DGKB: variants seen among roughly 807,000 people sequenced by gnomAD.
The protein encoded by DGKB is diacylglycerol kinase beta, also known as 90 kDa diacylglycerol kinase.
In DGKB, 67 loss-of-function variants were observed where a neutral mutation model predicts 114.3. The ratio of observed to expected loss-of-function variants is 0.59; its 90% confidence interval spans 0.48 to 0.72. DGKB has a LOEUF of 0.72. Ranked by LOEUF, DGKB falls within the 30% of genes least tolerant of loss-of-function variation. The pLI is 0.00. For synonymous variants in DGKB, 398 were observed against 323.1 expected (o/e 1.23, Z -2.49); for missense variants, 907 against 975.2 (o/e 0.93, Z 0.93).
rs904513246 is a variant in DGKB, at chr7:14,359,971, C to T, written c.1836-14580G>A. Reference sequence around the variant, plus strand: ...CAGCGATCCCATTACTAGATATATACCCAAAGGATTATAAATCATGCTACG... The same window carrying T: ...CAGCGATCCCATTACTAGATATATATCCAAAGGATTATAAATCATGCTACG... On this transcript the variant is annotated intron_variant, in intron 21 of 25. Coordinates refer to ENST00000402815, the MANE Select transcript of DGKB (RefSeq NM_001350709.2). 2.6e-5 allele frequency among the ~76,000 whole-genome samples: 4 copies of T among 152,146 alleles called. No individual in the cohort carries two copies. In the East Asian group the frequency reaches 5.8e-4, roughly 22 times the overall value.
At chr7:14,272,928 G>C (rs908052118) in intron 23 of DGKB, among the ~76,000 whole-genome samples, 6 of 152,130 alleles carry the variant, frequency 3.9e-5, no homozygotes, top group Non-Finnish European at 8.8e-5. Flanking sequence ...ATCTATTTGG[G>C]GGAATACATG....
intron 1 of DGKB, among the ~76,000 whole-genome samples, chr7:14,844,916 G>A (rs1471323647): frequency 2.0e-5 from 3 of 152,114 alleles, no homozygotes; most frequent in African/African-American, 4.8e-5. Context: ...AGACCAGCCT[G>A]GGCAACATGG....
At chr7:14,760,928 T>A (rs1213896051) in intron 2 of DGKB, among the ~76,000 whole-genome samples, 4 of 152,202 alleles carry the variant, frequency 2.6e-5, no homozygotes, top group Admixed American at 2.6e-4. Flanking sequence ...AGAGAAATCA[T>A]GAGCTAAATT....
At chr7:14,548,105 T>C (rs770563117) in intron 20 of DGKB, among the ~76,000 whole-genome samples, 8 of 152,216 alleles carry the variant, frequency 5.3e-5, no homozygotes, top group Non-Finnish European at 1.0e-4. Context: ...ATGATGGTCA[T>C]GTCCTTAATT....
intron 16 of DGKB, among the ~76,000 whole-genome samples, chr7:14,612,233 GGCA>G (rs1563676263): frequency 7.0e-6 from 1 of 143,716 alleles, no homozygotes; most frequent in Non-Finnish European, 1.5e-5. Context: ...GGAGTGCAGT[GGCA>G]CGATCTTGGC....
intron 2 of DGKB, among the ~76,000 whole-genome samples, chr7:14,778,006 G>C (rs1838464905): frequency 6.6e-6 from 1 of 152,126 alleles, no homozygotes; most frequent in African/African-American, 2.4e-5. Context: ...ACATGCTTCA[G>C]TAAAAATGTC....
intron 13 of DGKB, among the ~76,000 whole-genome samples, chr7:14,655,293 C>T (rs1190942563): frequency 6.6e-6 from 1 of 151,720 alleles, no homozygotes; most frequent in African/African-American, 2.4e-5. Flanking sequence ...AAATGTTCAG[C>T]ATCACTAATC....
intron 20 of DGKB, among the ~76,000 whole-genome samples, chr7:14,521,709 T>C (rs950243545): frequency 2.6e-5 from 4 of 152,198 alleles, no homozygotes. Flanking sequence ...AACACATTTA[T>C]AATGACTGTT....
intron 20 of DGKB, among the ~76,000 whole-genome samples, chr7:14,545,426 C>T (rs555220996): frequency 7.2e-5 from 11 of 152,284 alleles, no homozygotes; most frequent in African/African-American, 2.6e-4. Context: ...GGGACTCTTT[C>T]AGACTTGCAA....
upstream of DGKB, among the ~76,000 whole-genome samples, chr7:14,907,075 GC>G (rs1783748244): frequency 6.6e-6 from 1 of 152,184 alleles, no homozygotes; most frequent in Admixed American, 6.5e-5. Flanking sequence ...CCATACGGGA[GC>G]TTTTCCACTG....
chr7:14,741,059 A>C (rs905061972), intron 4 of DGKB, among the ~76,000 whole-genome samples: 3 of 152,102 alleles, frequency 2.0e-5, no homozygotes, highest in African/African-American at 7.2e-5. Flanking sequence ...TTTGAAAAAA[A>C]TGCCTTCTTT....
At chr7:14,618,847 T>G (rs1189657012) in intron 15 of DGKB, among the ~76,000 whole-genome samples, 1 of 70,216 alleles carries the variant, frequency 1.4e-5, no homozygotes, top group Non-Finnish European at 3.2e-5. Context: ...TGAAGTTATA[T>G]GCAAACTGGG....
At chr7:14,560,204 A>G (rs1796451684) in intron 20 of DGKB, among the ~76,000 whole-genome samples, 1 of 152,064 alleles carries the variant, frequency 6.6e-6, no homozygotes. Context: ...TAAGAACACA[A>G]CATCAGAACT....
intron 20 of DGKB, among the ~76,000 whole-genome samples, chr7:14,498,314 T>A (rs1232169216): frequency 6.6e-6 from 1 of 151,880 alleles, no homozygotes; most frequent in Admixed American, 6.6e-5. Context: ...GCTCCATTTT[T>A]AAAATTGCTC....
At chr7:14,552,927 C>G (rs1050391532) in intron 20 of DGKB, among the ~76,000 whole-genome samples, 2 of 152,160 alleles carry the variant, frequency 1.3e-5, no homozygotes, top group Admixed American at 6.5e-5. Flanking sequence ...TATCAATAAA[C>G]CAGAAACCTA....
intron 23 of DGKB, among the ~76,000 whole-genome samples, chr7:14,267,214 T>C (rs760969516): frequency 6.6e-6 from 1 of 151,854 alleles, no homozygotes; most frequent in Non-Finnish European, 1.5e-5. Context: ...CTTAGGAGAG[T>C]GGCGGCCTCC....
At chr7:14,845,973 C>T (rs1281404464) in intron 1 of DGKB, among the ~76,000 whole-genome samples, 4 of 152,180 alleles carry the variant, frequency 2.6e-5, no homozygotes, top group Non-Finnish European at 5.9e-5. Context: ...CTTGTGATGT[C>T]AGCTAACCAA....
intron 2 of DGKB, among the ~76,000 whole-genome samples, chr7:14,785,155 C>T (rs1414416491): frequency 1.3e-5 from 2 of 152,034 alleles, no homozygotes; most frequent in African/African-American, 4.8e-5. Context: ...CTTATTTTAT[C>T]ACATGACTTT....
chr7:14,263,799 T>C (rs770014949), intron 23 of DGKB, among the ~76,000 whole-genome samples: 1 of 152,178 alleles, frequency 6.6e-6, no homozygotes, highest in East Asian at 1.9e-4. Flanking sequence ...TCATTTTTTA[T>C]TGTATTTGTC....
Sources: gnomAD v4.1 joint callset for allele counts (sites outside exome capture counted in the v4.1 genomes callset) on GRCh38, gnomAD v4.1.1 for gene constraint, MANE v1.5 for transcripts, NCBI Gene and HGNC (gene_info 2026-07-23, HGNC 2026-07-21) for gene names.